Variants in COL27A1 observed in about 807,000 individuals in gnomAD.
COL27A1 encodes collagen type XXVII alpha 1 chain.
A neutral mutation model predicts 251.3 loss-of-function variants in COL27A1; 106 were observed. The ratio of observed to expected loss-of-function variants is 0.42; its 90% CI spans 0.36 to 0.50. The LOEUF is 0.50. Among genes scored for constraint, COL27A1 ranks in the 20% least tolerant of loss-of-function variants. COL27A1 has a pLI of 0.00. For synonymous variants in COL27A1, 1,000 were observed against 986.3 expected (o/e 1.01, Z -0.26); for missense variants, 2,325 against 2,522.8 (o/e 0.92, Z 1.68).
chr9:114,243,548 G>A lies in COL27A1; in HGVS notation c.2922G>A (p.Leu974=). The change falls in exon 23 of 61, where the codon CTG becomes CTA. Residue 974 remains leucine, a synonymous_variant. Coordinates refer to ENST00000356083, the MANE Select transcript of COL27A1 (RefSeq NM_032888.4). ...AGGGGTTTCCTGGGAGGCCCGGCCT[G>A]GATGGCGTGAAGGTGAGGGGACCTG... The part of the protein sequence containing the change: ...GRKGFPGRPG[L]DGVKGEPGDP... The A allele has an allele frequency of 1.2e-6, 2 of 1,613,738 alleles. No individual in the cohort carries two copies. The highest frequency in any genetic ancestry group is 1.7e-6 in the Non-Finnish European group (2 of 1,179,768).
rs186520111 is a variant in COL27A1, at chr9:114,252,369, A to T, written c.3034-224A>T. Among the ~76,000 whole-genome samples, 22 of 152,304 alleles carry T rather than the reference A, an allele frequency of 1.4e-4. No individual in the cohort carries two copies. In the East Asian group the frequency reaches 3.1e-3, roughly 21 times the overall value. ...TTCACTGCGTGGCCCACTACAGGGGATGCTGAGGCCTTCCAGGGCTTGCCA... is the reference window on the plus strand; with the variant it reads ...TTCACTGCGTGGCCCACTACAGGGGTTGCTGAGGCCTTCCAGGGCTTGCCA... On this transcript the variant is annotated intron_variant, in intron 25 of 60. Transcript: ENST00000356083.
intron 1 of COL27A1, among the ~76,000 whole-genome samples, chr9:114,159,482 A>T (rs771959932): frequency 6.6e-6 from 1 of 152,084 alleles, no homozygotes; most frequent in Non-Finnish European, 1.5e-5. Context: ...CCAGGAAGAG[A>T]GGGGGCTGGA....
At chr9:114,260,204 C>T (rs1699749477) in intron 28 of COL27A1, among the ~76,000 whole-genome samples, 1 of 152,244 alleles carries the variant, frequency 6.6e-6, no homozygotes. Context: ...CCCTTCCCAG[C>T]AGTGGCTTGA....
chr9:114,178,566 G>A (rs1051262082), intron 4 of COL27A1, among the ~76,000 whole-genome samples: 3 of 152,140 alleles, frequency 2.0e-5, no homozygotes, highest in African/African-American at 7.2e-5. Context: ...GGTCTCAGTT[G>A]TCCATTGGGG....
chr9:114,236,135 C>T (rs1244635573), intron 17 of COL27A1, among the ~76,000 whole-genome samples: 1 of 152,176 alleles, frequency 6.6e-6, no homozygotes, highest in African/African-American at 2.4e-5. Context: ...CCGGGACCCC[C>T]TCCACCCAGC....
chr9:114,268,049 C>T (rs756747047), intron 34 of COL27A1, among the ~76,000 whole-genome samples: 19 of 152,238 alleles, frequency 1.2e-4, no homozygotes, highest in Non-Finnish European at 5.9e-5. Context: ...CCAGTCACCC[C>T]CTTCCATGCC....
intron 1 of COL27A1, among the ~76,000 whole-genome samples, chr9:114,162,055 G>A (rs1848532159): frequency 1.3e-5 from 2 of 152,238 alleles, no homozygotes; most frequent in South Asian, 4.1e-4. Flanking sequence ...TAAGTGACAA[G>A]GCCAGGTTTG....
At chr9:114,282,607 A>G (rs2135703818) in intron 39 of COL27A1, 43 bp downstream of exon 39, 1 of 1,300,130 alleles carries the variant, frequency 7.7e-7, no homozygotes, top group East Asian at 2.6e-5. Flanking sequence ...GATGTGGAAT[A>G]GAGGGAACCA....
At chr9:114,182,878 G>A in intron 4 of COL27A1, 144 bp from the exon 5 acceptor site, 2 of 710,266 alleles carry the variant, frequency 2.8e-6, no homozygotes, top group Admixed American at 4.4e-5. Context: ...AGTAGGCTGA[G>A]TGGCCACGAC....
In COL27A1 at chr9:114,168,828, C is replaced by G. The variant is rs758550246; in HGVS notation, c.1273C>G (p.Pro425Ala). Residue 425 changes from proline (P) to alanine (A), a missense_variant, in exon 3 of 61, where the codon CCC becomes GCC. Transcript: ENST00000356083. Reference sequence around the variant, plus strand: ...CAGAGTCTCCCGTCCCGCAGAGAAGCCCATCCAGAGGAACCCGGGAATGCC... The same window carrying G: ...CAGAGTCTCCCGTCCCGCAGAGAAGGCCATCCAGAGGAACCCGGGAATGCC... ...PARVSRPAEK[P>A]IQRNPGMPRP... The G allele has an allele frequency of 6.2e-7, 1 of 1,614,060 alleles. No homozygotes were observed. The highest frequency in any genetic ancestry group is 1.1e-5 in the South Asian group (1 of 91,070).
At chr9:114,237,358 C>T (rs1437317375) in intron 18 of COL27A1, among the ~76,000 whole-genome samples, 3 of 152,192 alleles carry the variant, frequency 2.0e-5, no homozygotes, top group African/African-American at 7.2e-5. Context: ...ACTGTGCATC[C>T]GACCCTTTCT....
At chr9:114,287,669 C>T (rs1366331570) in intron 41 of COL27A1, among the ~76,000 whole-genome samples, 4 of 152,138 alleles carry the variant, frequency 2.6e-5, no homozygotes, top group East Asian at 1.9e-4. Context: ...TGAACAGCAC[C>T]GGGAGGCGCT....
At chr9:114,191,793 G>A (rs1436350578) in intron 5 of COL27A1, among the ~76,000 whole-genome samples, 1 of 152,206 alleles carries the variant, frequency 6.6e-6, no homozygotes, top group Non-Finnish European at 1.5e-5. Context: ...CCTTGGACAA[G>A]TGACTTATTC....
rs538493764 is a variant in COL27A1 at position 114,205,189 on chromosome 9, C to T, written c.2169+43C>T. 150 of 1,570,660 alleles carry T rather than the reference C, an allele frequency of 9.6e-5. 1 individual carries two copies. The South Asian group carries it at 1.6e-3, about 17-fold the overall frequency. On this transcript the variant is annotated intron_variant, in intron 8 of 60. Transcript: ENST00000356083. ...AGCCCTGCCCTGGTCGCTCTCCCTC[C>T]TCCCAGCCCCTACCTGTCTCTGGCC... is the stretch of plus-strand genomic sequence containing the variant.
chr9:114,265,753 G>T (rs994649455), intron 32 of COL27A1, among the ~76,000 whole-genome samples: 1 of 152,228 alleles, frequency 6.6e-6, no homozygotes, highest in Admixed American at 6.5e-5. Flanking sequence ...AATGTATAGG[G>T]AGTGCTTGGC....
At chr9:114,193,060 AG>A (rs1005838491) in intron 5 of COL27A1, among the ~76,000 whole-genome samples, 1 of 152,088 alleles carries the variant, frequency 6.6e-6, no homozygotes, top group African/African-American at 2.4e-5. Flanking sequence ...TTTAAAGGTG[AG>A]GGAGCTGAGC....
chr9:114,207,393 T>C (rs1303545786), intron 10 of COL27A1, among the ~76,000 whole-genome samples: 1 of 152,134 alleles, frequency 6.6e-6, no homozygotes, highest in Non-Finnish European at 1.5e-5. Flanking sequence ...CCTCTCTTCC[T>C]TTATTCTGCT....
chr9:114,161,510 G>A (rs943808623), intron 1 of COL27A1, among the ~76,000 whole-genome samples: 2 of 152,160 alleles, frequency 1.3e-5, no homozygotes, highest in Non-Finnish European at 2.9e-5. Flanking sequence ...AGGTGCCCAG[G>A]GAGTCTGGGA....
chr9:114,263,965 G>C (rs903741178), intron 28 of COL27A1, among the ~76,000 whole-genome samples: 1 of 152,216 alleles, frequency 6.6e-6, no homozygotes, highest in Non-Finnish European at 1.5e-5. Flanking sequence ...TGTGCTCTGG[G>C]AATGGCACAT....
Sources: allele counts gnomAD v4.1 joint callset (sites outside exome capture counted in the v4.1 genomes callset), GRCh38; gene constraint gnomAD v4.1.1; transcripts MANE v1.5; gene names NCBI Gene and HGNC (gene_info 2026-07-23, HGNC 2026-07-21).